The following TAFA2 variants were observed in gnomAD, a reference collection of about 807,000 sequenced individuals.
The protein encoded by TAFA2 is TAFA chemokine like family member 2.
Under a neutral mutation model 18.8 loss-of-function variants are expected in TAFA2, and 7 were observed. That is an observed-to-expected ratio of 0.37 (90% CI 0.21 to 0.70). The LOEUF (loss-of-function observed/expected upper bound fraction) is 0.70. TAFA2 is among the 30% of genes least tolerant of loss of function. The pLI is 0.53. For synonymous variants in TAFA2, 60 were observed against 54.2 expected (o/e 1.11, Z -0.47); for missense variants, 122 against 158.1 (o/e 0.77, Z 1.23).
intron 1 of TAFA2, among the ~76,000 whole-genome samples, chr12:62,170,351 A>G (rs552499677): frequency 2.0e-5 from 3 of 152,224 alleles, no homozygotes; most frequent in Admixed American, 6.5e-5. Flanking sequence ...TTGAGGAAAG[A>G]AATCTTCTAC....
rs139798040 is a variant in TAFA2 at position 62,095,565 on chromosome 12, G to C, written c.-2+95694C>G. Among the ~76,000 whole-genome samples, 31 of 152,144 alleles carry C rather than the reference G, an allele frequency of 2.0e-4. No homozygotes were observed. In the East Asian group the frequency reaches 5.4e-3, roughly 27 times the overall value. On this transcript the variant is annotated intron_variant, in intron 1 of 4. Transcript: ENST00000416284. ...AGCTCAAACAAATTTCATTTAGTAAGGCAGACTCCGTGAGTTGATATGTCC... is the reference window on the plus strand; with the variant it reads ...AGCTCAAACAAATTTCATTTAGTAACGCAGACTCCGTGAGTTGATATGTCC...
chr12:62,081,728 G>T (rs1868328042), intron 1 of TAFA2, among the ~76,000 whole-genome samples: 1 of 151,724 alleles, frequency 6.6e-6, no homozygotes, highest in African/African-American at 2.4e-5. Context: ...CAAATGATCC[G>T]CCCGCCTCAG....
chr12:61,824,229 G>C (rs28676592), intron 2 of TAFA2, among the ~76,000 whole-genome samples: 46,692 of 151,984 alleles, frequency 0.31, 7,420 homozygotes, highest in South Asian at 0.4. Context: ...TTCTTACCCA[G>C]TTGAGCCTCT....
intron 1 of TAFA2, among the ~76,000 whole-genome samples, chr12:61,984,844 C>G (rs539661861): frequency 8.5e-5 from 13 of 152,126 alleles, no homozygotes; most frequent in African/African-American, 3.1e-4. Flanking sequence ...TAATATCTAC[C>G]AAGTCATGTT....
intron 1 of TAFA2, among the ~76,000 whole-genome samples, chr12:62,154,299 G>T (rs1435604025): frequency 2.0e-5 from 3 of 152,136 alleles, no homozygotes; most frequent in Non-Finnish European, 4.4e-5. Flanking sequence ...ATGAAGGAAG[G>T]ATGGGGGAAG....
At chr12:61,717,598 T>C (rs544259825) in intron 4 of TAFA2, among the ~76,000 whole-genome samples, 1 of 152,336 alleles carries the variant, frequency 6.6e-6, no homozygotes, top group South Asian at 2.1e-4. Flanking sequence ...TACTCAGTTA[T>C]CTATTTTATA....
chr12:61,786,154 G>A (rs1592387492), intron 2 of TAFA2, among the ~76,000 whole-genome samples: 1 of 151,702 alleles, frequency 6.6e-6, no homozygotes, highest in East Asian at 2.0e-4. Flanking sequence ...GATCACGTGG[G>A]ACTTGGAAAA....
intron 1 of TAFA2, among the ~76,000 whole-genome samples, chr12:62,060,122 G>A (rs1269245799): frequency 1.3e-5 from 2 of 152,188 alleles, no homozygotes; most frequent in African/African-American, 4.8e-5. Context: ...CCTTCACTGA[G>A]GATACAGGCT....
intron 1 of TAFA2, among the ~76,000 whole-genome samples, chr12:61,969,545 A>T (rs1021418910): frequency 1.3e-5 from 2 of 151,756 alleles, no homozygotes; most frequent in South Asian, 4.1e-4. Flanking sequence ...AGGGCAATGC[A>T]TAAGAGGTAC....
chr12:61,993,382 GTA>G (rs1880074486), intron 1 of TAFA2, among the ~76,000 whole-genome samples: 1 of 152,076 alleles, frequency 6.6e-6, no homozygotes, highest in African/African-American at 2.4e-5. Context: ...ATTTTCTAAT[GTA>G]TATGTGTATG....
chr12:61,717,821 C>G (rs1565747981), intron 4 of TAFA2, among the ~76,000 whole-genome samples: 3 of 152,188 alleles, frequency 2.0e-5, no homozygotes, highest in Admixed American at 1.3e-4. Context: ...GGGTTTTATA[C>G]CAGTGTTTCT....
intron 1 of TAFA2, among the ~76,000 whole-genome samples, chr12:62,067,524 C>T (rs1000399956): frequency 1.3e-4 from 20 of 152,040 alleles, no homozygotes; most frequent in African/African-American, 4.8e-4. Flanking sequence ...TTTCATTATT[C>T]TGCATATGGA....
At chr12:62,208,768 C>T (rs2062702152) in intron 1 of TAFA2, among the ~76,000 whole-genome samples, 1 of 152,172 alleles carries the variant, frequency 6.6e-6, no homozygotes, top group Non-Finnish European at 1.5e-5. Flanking sequence ...CATAGGAAAT[C>T]CAGGTCTTTA....
chr12:62,145,560 G>A (rs1450992477), intron 1 of TAFA2: 2 of 152,200 alleles, frequency 1.3e-5, no homozygotes, highest in African/African-American at 4.8e-5. Context: ...ATATATTCAT[G>A]AACTCATCCT....
intron 1 of TAFA2, chr12:62,104,693 T>A: frequency 2.2e-6 from 1 of 455,844 alleles, no homozygotes; most frequent in East Asian, 7.0e-5. Flanking sequence ...AGTCCTCAAC[T>A]AAGAGGACTT....
chr12:61,884,489 G>A (rs1016175084), intron 1 of TAFA2, among the ~76,000 whole-genome samples: 10 of 152,166 alleles, frequency 6.6e-5, no homozygotes, highest in South Asian at 2.1e-4. Context: ...ATTTGTAGTC[G>A]CTCTTTTTTA....
At chr12:62,095,895 T>C (rs1388326219) in intron 1 of TAFA2, among the ~76,000 whole-genome samples, 9 of 152,154 alleles carry the variant, frequency 5.9e-5, no homozygotes, top group Admixed American at 5.9e-4. Flanking sequence ...GAGCATTTAA[T>C]ATTTAAACTG....
At chr12:61,867,497 T>C in intron 1 of TAFA2, 71 bp from the exon 2 acceptor site, 2 of 899,220 alleles carry the variant, frequency 2.2e-6, no homozygotes, top group East Asian at 2.5e-5. Context: ...TTGTGCTACA[T>C]GTAAAGCCTT....
chr12:61,857,208 A>G (rs1873920533), intron 2 of TAFA2, among the ~76,000 whole-genome samples: 1 of 152,120 alleles, frequency 6.6e-6, no homozygotes, highest in Non-Finnish European at 1.5e-5. Flanking sequence ...TCTCAAATTA[A>G]TAATAGAAAC....
Sources: allele counts gnomAD v4.1 joint callset (sites outside exome capture counted in the v4.1 genomes callset), GRCh38; gene constraint gnomAD v4.1.1; transcripts MANE v1.5; gene names NCBI Gene and HGNC (gene_info 2026-07-23, HGNC 2026-07-21).